Variants in TGM6 observed in about 807,000 individuals in gnomAD.
TGM6 encodes the protein transglutaminase 6, also known as protein-glutamine gamma-glutamyltransferase 6.
A neutral mutation model predicts 77.5 loss-of-function variants in TGM6; 74 were observed. The observed-to-expected ratio is 0.96, with a 90% CI of 0.79 to 1.16. The LOEUF (loss-of-function observed/expected upper bound fraction) is 1.16. TGM6 is among the 50% of genes most tolerant of loss of function. The probability of loss-of-function intolerance (pLI) is 0.00; values close to 1 mark genes in which losing one functional copy is unlikely to be tolerated. For synonymous variants in TGM6, 383 were observed against 378.9 expected, an observed-to-expected ratio of 1.01 and a Z score of -0.12; for missense variants, 968 against 940.2, an observed-to-expected ratio of 1.03 and a Z score of -0.39.
chr20:2,419,214 C>T (rs2084840054), intron 10 of TGM6, among the ~76,000 whole-genome samples: 1 of 152,118 alleles, frequency 6.6e-6, no homozygotes, highest in African/African-American at 2.4e-5. Context: ...CTCTCTATCT[C>T]TCTCAGTCTA....
rs371148424 is a variant in TGM6, at chr20:2,420,056, AAC to A, written c.1678+2487_1678+2488del. Among the ~76,000 whole-genome samples the A allele has an allele frequency of 7.1e-3, 1,076 of 152,282 alleles. 8 individuals carry two copies. Among genetic ancestry groups the A allele is most frequent in the Middle Eastern group, 0.031 (9 of 294 alleles). Reference sequence around the variant, plus strand: ...TCAGGAGATGGAGACCATCCTAGCTAACACAGTGAAACCCCATCTCTACTAAA... The same window carrying A: ...TCAGGAGATGGAGACCATCCTAGCTAACAGTGAAACCCCATCTCTACTAAA... On this transcript the variant is annotated intron_variant, in intron 10 of 12. Coordinates refer to ENST00000202625, the MANE Select transcript of TGM6 (RefSeq NM_198994.3).
At chr20:2,413,957 A>G (rs1336199646) in intron 9 of TGM6, among the ~76,000 whole-genome samples, 3 of 152,242 alleles carry the variant, frequency 2.0e-5, no homozygotes, top group African/African-American at 7.2e-5. Flanking sequence ...AAGATAGCCC[A>G]TGGAATAGGA....
chr20:2,383,968 A>G (rs1041720016), intron 1 of TGM6, among the ~76,000 whole-genome samples: 43 of 151,972 alleles, frequency 2.8e-4, no homozygotes, highest in African/African-American at 6.3e-4. Flanking sequence ...TTAGCCGGGC[A>G]TGGTGGTGGA....
At position 2,400,346 on chromosome 20, in the gene TGM6, C is replaced by CTT; in HGVS notation, c.892_893dup (p.Asn299SerfsTer11). Reference sequence around the variant, plus strand: ...GGATAGCCACACGGGTCGTGTCCAACTTCAACTCAGCCCACGACACAGACC... The same window carrying CTT: ...GGATAGCCACACGGGTCGTGTCCAACTTTTCAACTCAGCCCACGACACAGACC... On this transcript the variant is annotated frameshift_variant, in exon 7 of 13. Coordinates refer to ENST00000202625, the MANE Select transcript of TGM6 (RefSeq NM_198994.3). LOFTEE classifies it high-confidence loss of function. 1 of 1,614,242 alleles carries CTT rather than the reference C, an allele frequency of 6.2e-7. No homozygotes were observed. Among genetic ancestry groups the CTT allele is most frequent in the Non-Finnish European group, 8.5e-7 (1 of 1,180,052 alleles).
intron 1 of TGM6, among the ~76,000 whole-genome samples, chr20:2,383,386 G>C (rs777151649): frequency 2.6e-5 from 4 of 152,170 alleles, no homozygotes; most frequent in Non-Finnish European, 4.4e-5. Context: ...TGGGTGGAGA[G>C]CTAAGTCGGC....
intron 1 of TGM6, among the ~76,000 whole-genome samples, chr20:2,382,600 A>G (rs1178651036): frequency 6.6e-6 from 1 of 152,120 alleles, no homozygotes; most frequent in East Asian, 1.9e-4. Context: ...GCCTATGTAA[A>G]TGGACTATGT....
chr20:2,403,365 A>C, intron 7 of TGM6, 32 bp from the exon 8 acceptor site: 1 of 1,612,830 alleles, frequency 6.2e-7, no homozygotes, highest in East Asian at 2.2e-5. Flanking sequence ...CCCTCACTCT[A>C]GGCAGCTTCA....
Position 2,432,722 on chromosome 20 carries a change from C to T in TGM6, c.*79C>T. The T allele has an allele frequency of 1.3e-6, 2 of 1,599,342 alleles. No homozygotes were observed. The highest frequency in any genetic ancestry group is 1.1e-5 in the South Asian group (1 of 90,532). ...ATTCTTTGTCTCTTCCACATGGGAG[C>T]CAGGAGGCCTCAGTTAATCCTGCCT... On this transcript the variant is annotated 3_prime_UTR_variant, in exon 13 of 13. Transcript: ENST00000202625.
intron 8 of TGM6, 30 bp from the exon 9 acceptor site, chr20:2,403,551 A>G (rs755965073): frequency 1.2e-6 from 2 of 1,614,000 alleles, no homozygotes; most frequent in Non-Finnish European, 8.5e-7. Context: ...TTCCTTACCC[A>G]TGCTGCTCAT....
At chr20:2,384,223 G>A (rs1477399292) in intron 1 of TGM6, among the ~76,000 whole-genome samples, 4 of 151,988 alleles carry the variant, frequency 2.6e-5, no homozygotes, top group African/African-American at 7.3e-5. Flanking sequence ...CATTGCCCTA[G>A]CGTGTTTATT....
chr20:2,403,770 C>CGGT lies in TGM6; in HGVS notation c.1286_1288dup (p.Val429dup), dbSNP rs1324847966. On this transcript the variant is annotated inframe_insertion, in exon 9 of 13. Coordinates refer to ENST00000202625, the MANE Select transcript of TGM6 (RefSeq NM_198994.3). ...ATTGGGAGATGCATCAGCACCAAGG[C>CGGT]GGTGGGCAGTGACTCCCGCGTGGAC... The CGGT allele has an allele frequency of 1.9e-6, 3 of 1,614,044 alleles. No homozygotes were observed. In the African/African-American group the frequency reaches 4.0e-5, roughly 22 times the overall value.
chr20:2,399,479 A>G, intron 5 of TGM6, 82 bp from the exon 6 acceptor site: 1 of 1,602,496 alleles, frequency 6.2e-7, no homozygotes, highest in Non-Finnish European at 8.5e-7. Context: ...GGTGGTCCAA[A>G]GTTGGACAGG....
chr20:2,430,159 G>A (rs948358244), intron 10 of TGM6, among the ~76,000 whole-genome samples: 1 of 151,778 alleles, frequency 6.6e-6, no homozygotes, highest in Non-Finnish European at 1.5e-5. Context: ...AACATCTCTG[G>A]GGGCTCTTGG....
At chr20:2,423,346 C>G (rs2084868750) in intron 10 of TGM6, among the ~76,000 whole-genome samples, 1 of 152,084 alleles carries the variant, frequency 6.6e-6, no homozygotes, top group African/African-American at 2.4e-5. Flanking sequence ...AACCCTGCCA[C>G]TGCTTTATCA....
intron 9 of TGM6, among the ~76,000 whole-genome samples, chr20:2,413,006 T>C (rs1233785442): frequency 6.6e-6 from 1 of 152,226 alleles, no homozygotes; most frequent in Non-Finnish European, 1.5e-5. Flanking sequence ...CTGAGTTTTT[T>C]TCCCCCAAAT....
rs760119280 is a variant in TGM6, at chr20:2,399,140, GA to G, written c.673-404del. Among the ~76,000 whole-genome samples, 607 of 61,090 alleles carry G rather than the reference GA, an allele frequency of 9.9e-3. 7 individuals are homozygous for G. The highest frequency in any genetic ancestry group is 0.022 in the African/African-American group (375 of 17,412). 40.1% of individuals were successfully genotyped at this position (61,090 alleles called of 152,430 possible). ...CTTCTGAAGCTCAGTTTTTGCATCT[GA>G]AAAAAAAAAAAAAAAAGAATAATGA... On this transcript the variant is annotated intron_variant, in intron 5 of 12. Coordinates refer to ENST00000202625, the MANE Select transcript of TGM6 (RefSeq NM_198994.3).
intron 9 of TGM6, among the ~76,000 whole-genome samples, chr20:2,412,016 T>C (rs1399433695): frequency 6.6e-6 from 1 of 152,174 alleles, no homozygotes; most frequent in Admixed American, 6.6e-5. Flanking sequence ...AGCCAAAACA[T>C]CTATAGCCAT....
chr20:2,405,340 T>C (rs2084742106), intron 9 of TGM6, among the ~76,000 whole-genome samples: 1 of 152,214 alleles, frequency 6.6e-6, no homozygotes, highest in Non-Finnish European at 1.5e-5. Context: ...TAAGGCATTA[T>C]GGCCATTTTT....
At chr20:2,426,425 T>C (rs2084888130) in intron 10 of TGM6, among the ~76,000 whole-genome samples, 2 of 152,216 alleles carry the variant, frequency 1.3e-5, no homozygotes. Context: ...ACAATTCTTT[T>C]GGATTTTCTA....
Sources: gnomAD v4.1 joint callset for allele counts (sites outside exome capture counted in the v4.1 genomes callset) on GRCh38, gnomAD v4.1.1 for gene constraint, MANE v1.5 for transcripts, NCBI Gene and HGNC (gene_info 2026-07-23, HGNC 2026-07-21) for gene names.